Variants in PARD3B observed in about 807,000 individuals in gnomAD.
PARD3B encodes the protein partitioning defective 3 homolog B.
Under a neutral mutation model 130.2 loss-of-function variants are expected in PARD3B, and 103 were observed. That is an observed-to-expected ratio of 0.79 (90% CI 0.67 to 0.93). The LOEUF (loss-of-function observed/expected upper bound fraction) is 0.93, where lower values mean the gene tolerates loss of function less well. Ranked by LOEUF, PARD3B falls within the 40% of genes least tolerant of loss-of-function variation. The pLI, the probability that PARD3B is intolerant of heterozygous loss-of-function variation, is 0.00. For missense variants in PARD3B, 1,609 were observed against 1,499.2 expected (o/e 1.07, Z -1.21); for synonymous variants, 583 against 553.2 (o/e 1.05, Z -0.76).
intron 4 of PARD3B, among the ~76,000 whole-genome samples, chr2:205,090,364 C>T (rs1300887153): frequency 6.6e-6 from 1 of 152,228 alleles, no homozygotes; most frequent in African/African-American, 2.4e-5. Flanking sequence ...TGATCTGTTA[C>T]AGGTTTGAAA....
At chr2:204,653,165 G>A (rs2035538493) in intron 1 of PARD3B, among the ~76,000 whole-genome samples, 1 of 150,626 alleles carries the variant, frequency 6.6e-6, no homozygotes. Context: ...AATAACTATT[G>A]AGTACTAGGA....
intron 22 of PARD3B, among the ~76,000 whole-genome samples, chr2:205,594,774 C>T (rs1370998437): frequency 6.6e-6 from 1 of 152,094 alleles, no homozygotes; most frequent in African/African-American, 2.4e-5. Context: ...AGATTGCAAC[C>T]TCTGTTAGAG....
intron 13 of PARD3B, among the ~76,000 whole-genome samples, chr2:205,177,503 G>A (rs1213230143): frequency 6.6e-6 from 1 of 152,090 alleles, no homozygotes; most frequent in African/African-American, 2.4e-5. Flanking sequence ...TTCAGTAGTT[G>A]CATAGTGTCT....
rs116979539 is a variant in PARD3B, at chr2:204,940,253, G to A, written c.223-24899G>A. On this transcript the variant is annotated intron_variant, in intron 2 of 22. Transcript: ENST00000406610. Reference sequence around the variant, plus strand: ...GACAAAGAACTCTGGCTCCTCTTCCGACATGTTATTTCATGTTCATCTAAA... The same window carrying A: ...GACAAAGAACTCTGGCTCCTCTTCCAACATGTTATTTCATGTTCATCTAAA... Among the ~76,000 whole-genome samples the A allele has an allele frequency of 2.4e-4, 36 of 152,232 alleles. No individual in the cohort carries two copies. The East Asian group carries it at 6.2e-3, about 26-fold the overall frequency.
chr2:204,563,217 G>GTCTGTCTGTCTCTCTC (rs1553541986), intron 1 of PARD3B, among the ~76,000 whole-genome samples: 3 of 86,598 alleles, frequency 3.5e-5, no homozygotes, highest in African/African-American at 1.3e-4. Flanking sequence ...TCTTCCCGCT[G>GTCTGTCTGTCTCTCTC]TCTCTCTCTC....
chr2:204,550,881 C>G lies in PARD3B; in HGVS notation c.120+4762C>G, dbSNP rs892268260. On this transcript the variant is annotated intron_variant, in intron 1 of 22. Transcript: ENST00000406610. ...AGGCTAGAACTCTTGAATTTCTAAA[C>G]TTTTCAGGCTTTGATGCCTTGTTAC... Among the ~76,000 whole-genome samples the G allele has an allele frequency of 6.6e-5, 10 of 152,270 alleles. 1 individual carries two copies. Among genetic ancestry groups the G allele is most frequent in the Admixed American group, 5.9e-4 (9 of 15,300 alleles).
intron 1 of PARD3B, among the ~76,000 whole-genome samples, chr2:204,612,692 T>C (rs778259444): frequency 1.3e-5 from 2 of 152,206 alleles, no homozygotes; most frequent in African/African-American, 2.4e-5. Flanking sequence ...AAGTAAGACA[T>C]GTAAAACTGC....
intron 3 of PARD3B, among the ~76,000 whole-genome samples, chr2:205,034,600 A>T (rs1284088670): frequency 6.6e-6 from 1 of 152,174 alleles, no homozygotes; most frequent in African/African-American, 2.4e-5. Context: ...CTAAAAAGAT[A>T]CAAAAACAGA....
rs1642667361 is a variant in PARD3B, at chr2:205,463,895, G to T, written c.3044+23223G>T. Among the ~76,000 whole-genome samples, 1 of 152,080 alleles carries T rather than the reference G, an allele frequency of 6.6e-6. No homozygotes were observed. The highest frequency in any genetic ancestry group is 2.4e-5 in the African/African-American group (1 of 41,406). ...AGTAAAAGCAGCCGAGTAGGAAAAT[G>T]GACTAGAAAAGTGTTTTATTGAAGG... is the stretch of plus-strand genomic sequence containing the variant. On this transcript the variant is annotated intron_variant, in intron 20 of 22. Coordinates refer to ENST00000406610, the MANE Select transcript of PARD3B (RefSeq NM_001302769.2). This position sits in a 1 kb window ranked among gnomAD's most constrained non-coding sequence, Gnocchi z 4.8.
chr2:205,187,378 A>G lies in PARD3B; in HGVS notation c.2024+1515A>G, dbSNP rs1475012153. Among the ~76,000 whole-genome samples, 4 of 152,298 alleles carry G rather than the reference A, an allele frequency of 2.6e-5. No homozygotes were observed. The highest frequency in any genetic ancestry group is 3.9e-4 in the East Asian group (2 of 5,184). On this transcript the variant is annotated intron_variant, in intron 14 of 22. Transcript: ENST00000406610. The surrounding 1 kb of genome is among the most constrained non-coding windows in gnomAD (Gnocchi z 4.9). Reference sequence around the variant, plus strand: ...GCAGACTTCATTTGGTAGATAGTCAATCTTATTGCAGGGTTTTCGCAGGTA... The same window carrying G: ...GCAGACTTCATTTGGTAGATAGTCAGTCTTATTGCAGGGTTTTCGCAGGTA...
chr2:204,772,029 C>G (rs977216239), intron 2 of PARD3B, among the ~76,000 whole-genome samples: 5 of 151,926 alleles, frequency 3.3e-5, no homozygotes, highest in African/African-American at 1.2e-4. Flanking sequence ...CTTATTTTAC[C>G]TTGTCTTTGC....
intron 15 of PARD3B, among the ~76,000 whole-genome samples, chr2:205,207,426 A>G (rs28817372): frequency 2.3e-4 from 34 of 148,876 alleles, no homozygotes; most frequent in South Asian, 4.2e-4. Context: ...AATGAATCCA[A>G]GAGCTGGTTT....
rs1160188192 is a variant in PARD3B, at chr2:205,300,702, C to T, written c.2358C>T (p.Asp786=). Residue 786 remains aspartate, a synonymous_variant, in exon 17 of 23, where the codon GAC becomes GAT. Coordinates refer to ENST00000406610, the MANE Select transcript of PARD3B (RefSeq NM_001302769.2). This position sits in a 1 kb window ranked among gnomAD's most constrained non-coding sequence, Gnocchi z 4.1. ...ATGAGAGCTTTAGAGCAGCCATTGA[C>T]AAATCCTACGATGGACCTGAAGAAA... ...GCNESFRAAI[D]KSYDGPEEIE... 5.6e-6 allele frequency: 9 copies of T among 1,613,710 alleles called. No homozygotes were observed. The highest frequency in any genetic ancestry group is 7.6e-6 in the Non-Finnish European group (9 of 1,179,782).
chr2:205,485,198 A>G (rs1475494881), intron 20 of PARD3B, among the ~76,000 whole-genome samples: 1 of 152,068 alleles, frequency 6.6e-6, no homozygotes, highest in African/African-American at 2.4e-5. Flanking sequence ...TTTCATTTTA[A>G]CTTTTTGCTG....
At chr2:204,848,329 T>C (rs1331743003) in intron 2 of PARD3B, among the ~76,000 whole-genome samples, 1 of 152,166 alleles carries the variant, frequency 6.6e-6, no homozygotes, top group Non-Finnish European at 1.5e-5. Flanking sequence ...GTTCTGTTTT[T>C]AGAAGTTAGT....
intron 21 of PARD3B, among the ~76,000 whole-genome samples, chr2:205,548,792 A>G (rs2052489430): frequency 6.6e-6 from 1 of 152,160 alleles, no homozygotes; most frequent in Non-Finnish European, 1.5e-5. Context: ...AAATTAAAAA[A>G]TGTTGCTCTG....
intron 19 of PARD3B, among the ~76,000 whole-genome samples, chr2:205,409,326 A>G (rs2106044917): frequency 6.6e-6 from 1 of 152,238 alleles, no homozygotes; most frequent in East Asian, 1.9e-4. Flanking sequence ...CCATACACCC[A>G]CACTACTCTT....
chr2:205,338,004 A>G (rs2043375801), intron 18 of PARD3B, among the ~76,000 whole-genome samples: 1 of 151,690 alleles, frequency 6.6e-6, no homozygotes, highest in African/African-American at 2.4e-5. Flanking sequence ...TAATACAAAA[A>G]TTAGCCGGGC....
At chr2:205,023,579 A>T in intron 3 of PARD3B, among the ~76,000 whole-genome samples, 1 of 119,624 alleles carries the variant, frequency 8.4e-6, no homozygotes, top group Middle Eastern at 6.4e-3. Context: ...TGGGAATACC[A>T]TGAGTCTGAC....
Sources: gnomAD v4.1 joint callset for allele counts (sites outside exome capture counted in the v4.1 genomes callset) on GRCh38, gnomAD v4.1.1 for gene constraint, Gnocchi (gnomAD v3.1) non-coding constraint, MANE v1.5 for transcripts, NCBI Gene and HGNC (gene_info 2026-07-23, HGNC 2026-07-21) for gene names.